The following FAM120C variants were observed in gnomAD, a reference collection of about 807,000 sequenced individuals.
FAM120C encodes the protein family with sequence similarity 120 member C.
A neutral mutation model predicts 71.2 loss-of-function variants in FAM120C; 14 were observed. That is an observed-to-expected ratio of 0.20 (90% CI 0.13 to 0.31). The LOEUF (loss-of-function observed/expected upper bound fraction) is 0.31, where lower values mean the gene tolerates loss of function less well. Ranked by LOEUF, FAM120C falls within the 10% of genes least tolerant of loss-of-function variation. The pLI is 1.00. For missense variants in FAM120C, 500 were observed against 879.0 expected (o/e 0.57, Z 5.45); for synonymous variants, 354 against 353.2 (o/e 1.00, Z -0.03).
chrX:54,159,768 T>A, intron 1 of FAM120C, 152 bp from the exon 2 acceptor site: 2 of 598,101 alleles, frequency 3.3e-6, no homozygotes, highest in South Asian at 6.8e-5. Context: ...TTACTTTTTT[T>A]TTTTTTTTTT....
chrX:54,133,947 C>T lies in FAM120C; in HGVS notation c.1716G>A (p.Ala572=), dbSNP rs782477070. Residue 572 remains alanine (A), a synonymous_variant, in exon 8 of 16, where the codon GCG becomes GCA. Coordinates refer to ENST00000375180, the MANE Select transcript of FAM120C (RefSeq NM_017848.6). ...AQPVDTGVSE[A]SLGDGEPHIP... is the part of the protein sequence containing the mutation. ...TGTGGGGCTCACCATCACCTAGGCT[C>T]GCTTCTGAAACTCCAGTATCAACAG... 1.1e-5 allele frequency: 13 copies of T among 1,211,627 alleles called. No individual in the cohort carries two copies. Among genetic ancestry groups the T allele is most frequent in the South Asian group, 3.5e-5 (2 of 56,928 alleles).
intron 9 of FAM120C, among the ~76,000 whole-genome samples, chrX:54,129,801 T>C (rs782458484): frequency 2.3e-4 from 26 of 112,003 alleles, no homozygotes; most frequent in East Asian, 1.1e-3. Flanking sequence ...GCGGATCACT[T>C]GCGGTTAGGA....
intron 15 of FAM120C, 147 bp from the exon 16 acceptor site, chrX:54,073,434 T>A: frequency 7.8e-6 from 1 of 127,601 alleles, no homozygotes; most frequent in Non-Finnish European, 1.4e-5. Context: ...TAGTACAATC[T>A]TTTTTTTTTT....
intron 10 of FAM120C, among the ~76,000 whole-genome samples, chrX:54,111,009 G>A (rs781840894): frequency 6.4e-5 from 7 of 108,840 alleles, no homozygotes; most frequent in African/African-American, 2.3e-4. Context: ...GCAGTGAGCC[G>A]AGATCAAGCC....
chrX:54,161,772 C>G (rs956172807), intron 1 of FAM120C, among the ~76,000 whole-genome samples: 1 of 112,087 alleles, frequency 8.9e-6, no homozygotes, highest in Non-Finnish European at 1.9e-5. Context: ...GCCGGGGCTA[C>G]GGGCGCATGC....
At chrX:54,112,566 G>A (rs1404127135) in intron 10 of FAM120C, among the ~76,000 whole-genome samples, 1 of 111,188 alleles carries the variant, frequency 9.0e-6, no homozygotes, top group Non-Finnish European at 1.9e-5. Context: ...TTAGGGCCGG[G>A]TGCGGTGGCT....
intron 15 of FAM120C, among the ~76,000 whole-genome samples, chrX:54,074,896 A>T (rs1305792885): frequency 8.9e-6 from 1 of 112,019 alleles, no homozygotes; most frequent in Non-Finnish European, 1.9e-5. Context: ...CCTTTTACAG[A>T]TAAGAAAACT....
At chrX:54,166,729 C>CAT (rs781853684) in intron 1 of FAM120C, among the ~76,000 whole-genome samples, 16 of 110,909 alleles carry the variant, frequency 1.4e-4, no homozygotes, top group Non-Finnish European at 2.8e-4. Flanking sequence ...GTAAAATGTG[C>CAT]ATATATATAT....
At chrX:54,156,315 C>CTTTTTTT (rs35737980) in intron 3 of FAM120C, among the ~76,000 whole-genome samples, 2 of 28,404 alleles carry the variant, frequency 7.0e-5, no homozygotes, top group Non-Finnish European at 1.1e-4. Flanking sequence ...TCACAACAGT[C>CTTTTTTT]TTTTTTTTTT....
At chrX:54,129,089 C>CCGGG (rs1392941665) in intron 9 of FAM120C, among the ~76,000 whole-genome samples, 3 of 103,627 alleles carry the variant, frequency 2.9e-5, no homozygotes, top group Admixed American at 2.0e-4. Context: ...GGGCGGCCGG[C>CCGGG]CGGGCAGGGG....
intron 1 of FAM120C, among the ~76,000 whole-genome samples, chrX:54,167,008 C>T (rs1557135258): frequency 9.0e-6 from 1 of 111,409 alleles, no homozygotes; most frequent in South Asian, 3.8e-4. Context: ...GAAAACAGTC[C>T]TTTTACTCTC....
At chrX:54,102,100 T>C (rs1455305786) in intron 10 of FAM120C, among the ~76,000 whole-genome samples, 1 of 109,862 alleles carries the variant, frequency 9.1e-6, no homozygotes, top group African/African-American at 3.3e-5. Context: ...AGTGGCGTGA[T>C]CATGGCTCAC....
intron 9 of FAM120C, among the ~76,000 whole-genome samples, chrX:54,118,725 T>C (rs1322530823): frequency 1.3e-5 from 1 of 75,872 alleles, no homozygotes; most frequent in Non-Finnish European, 2.4e-5. Context: ...TTTTTTTTTT[T>C]AATTATACTC....
intron 10 of FAM120C, among the ~76,000 whole-genome samples, chrX:54,110,869 G>T (rs2066933368): frequency 9.1e-6 from 1 of 110,360 alleles, no homozygotes; most frequent in Admixed American, 9.7e-5. Flanking sequence ...ACACCAGCCT[G>T]GCCAACATGG....
At chrX:54,086,480 G>A (rs989122634) in intron 12 of FAM120C, among the ~76,000 whole-genome samples, 3 of 111,446 alleles carry the variant, frequency 2.7e-5, no homozygotes, top group East Asian at 2.8e-4. Context: ...TAGGCCAGGC[G>A]TGGTGGCTCA....
rs1557129948 is a variant in FAM120C, at chrX:54,134,022, G to C, written c.1641C>G (p.His547Gln). 1.7e-6 allele frequency: 2 copies of C among 1,210,385 alleles called. No homozygotes were observed. Among genetic ancestry groups the C allele is most frequent in the Non-Finnish European group, 2.2e-6 (2 of 895,047 alleles). Reference sequence around the variant, plus strand: ...GATTGGGATTTCCCCACTCAGGCTGGTGATGAAATGCTTCTGTGATATGAC... The same window carrying C: ...GATTGGGATTTCCCCACTCAGGCTGCTGATGAAATGCTTCTGTGATATGAC... ...SSDHITEAFH[H>Q]QPEWGNPNRD... The change falls in exon 8 of 16, where the codon CAC (histidine) becomes CAG (glutamine). Residue 547 changes from histidine (H) to glutamine (Q), a missense_variant. By Grantham distance (24) the His-to-Gln change is conservative (BLOSUM62 0). Coordinates refer to ENST00000375180, the MANE Select transcript of FAM120C (RefSeq NM_017848.6).
chrX:54,176,521 G>A (rs1237632324), intron 1 of FAM120C, among the ~76,000 whole-genome samples: 3 of 110,449 alleles, frequency 2.7e-5, no homozygotes, highest in Non-Finnish European at 5.7e-5. Context: ...GTGGTTGTGA[G>A]GATTAAATGA....
intron 10 of FAM120C, among the ~76,000 whole-genome samples, chrX:54,098,690 C>A (rs1348668145): frequency 1.8e-5 from 2 of 111,605 alleles, no homozygotes; most frequent in East Asian, 5.7e-4. Context: ...GTGGTGCGAT[C>A]TCAGCTCACT....
At chrX:54,079,399 C>T (rs2066753341) in intron 15 of FAM120C, among the ~76,000 whole-genome samples, 1 of 110,904 alleles carries the variant, frequency 9.0e-6, no homozygotes, top group African/African-American at 3.3e-5. Context: ...GTGATTGTGC[C>T]ACTGCACTCC....
Sources: allele counts gnomAD v4.1 joint callset (sites outside exome capture counted in the v4.1 genomes callset), GRCh38; gene constraint gnomAD v4.1.1; transcripts MANE v1.5; gene names NCBI Gene and HGNC (gene_info 2026-07-23, HGNC 2026-07-21).